Variants in NCAPG2 observed in about 807,000 individuals in gnomAD.
NCAPG2 encodes condensin-2 complex subunit G2.
NCAPG2 carries 53 observed loss-of-function variants against 141.1 expected under a neutral mutation model. The ratio of observed to expected loss-of-function variants is 0.38; its 90% CI spans 0.30 to 0.47. The LOEUF is 0.47. Ranked by LOEUF, NCAPG2 falls within the 20% of genes least tolerant of loss-of-function variation. The pLI is 0.99. For synonymous variants in NCAPG2, 499 were observed against 490.7 expected (o/e 1.02, Z -0.22); for missense variants, 1,087 against 1,389.0 (o/e 0.78, Z 3.46).
intron 8 of NCAPG2, among the ~76,000 whole-genome samples, chr7:158,683,869 G>T (rs1025657676): frequency 4.6e-5 from 7 of 152,228 alleles, no homozygotes; most frequent in Non-Finnish European, 8.8e-5. Flanking sequence ...GCTGAGCAAG[G>T]AAGGTGTGTG....
intron 12 of NCAPG2, 125 bp from the exon 13 acceptor site, chr7:158,671,791 T>C (rs1026462720): frequency 3.7e-6 from 4 of 1,069,554 alleles, no homozygotes; most frequent in African/African-American, 1.6e-5. Context: ...GAAATAAATA[T>C]ACCTATGGAA....
chr7:158,692,545 T>C lies in NCAPG2; in HGVS notation c.382+297A>G, dbSNP rs186012200. 1.6e-3 allele frequency among the ~76,000 whole-genome samples: 249 copies of C among 152,216 alleles called. 1 individual carries two copies. The Middle Eastern group carries it at 0.017, about 10-fold the overall frequency. ...TCACCTGAGGTCAGGAGTTTGAGACTAGCCTGACCAACATGGAGAAACCCT... is the reference window on the plus strand; with the variant it reads ...TCACCTGAGGTCAGGAGTTTGAGACCAGCCTGACCAACATGGAGAAACCCT... On this transcript the variant is annotated intron_variant, in intron 4 of 27. Transcript: ENST00000356309.
At chr7:158,661,924 C>A (rs866314706) in intron 16 of NCAPG2, among the ~76,000 whole-genome samples, 18 of 152,152 alleles carry the variant, frequency 1.2e-4, no homozygotes, top group South Asian at 2.1e-4. Flanking sequence ...GAAATAATGT[C>A]GCTGACCATC....
intron 27 of NCAPG2, chr7:158,641,625 G>A (rs1458470593): frequency 6.2e-6 from 3 of 481,260 alleles, no homozygotes; most frequent in Non-Finnish European, 1.1e-5. Context: ...AACAAAGCAG[G>A]AGTAGTAGTA....
At position 158,645,497 on chromosome 7, in the gene NCAPG2, GAC is replaced by G; in HGVS notation, c.3280+20_3280+21del. 1 of 1,603,792 alleles carries G rather than the reference GAC, an allele frequency of 6.2e-7. No homozygotes were observed. Among genetic ancestry groups the G allele is most frequent in the Middle Eastern group, 1.7e-4 (1 of 6,042 alleles). On this transcript the variant is annotated intron_variant, in intron 26 of 27. Transcript: ENST00000356309. ...GAGGTGCACCAGCCACCTTCCAGAT[GAC>G]AGAGGGGAATGTAACCAACCTGCAT...
intron 27 of NCAPG2, among the ~76,000 whole-genome samples, chr7:158,641,927 C>T (rs1417385316): frequency 6.6e-6 from 1 of 152,214 alleles, no homozygotes; most frequent in African/African-American, 2.4e-5. Flanking sequence ...ACTACTTCCT[C>T]CAGCAACAGT....
intron 7 of NCAPG2, 22 bp from the exon 8 acceptor site, chr7:158,686,263 G>C (rs752409299): frequency 7.5e-7 from 1 of 1,336,318 alleles, no homozygotes; most frequent in African/African-American, 1.5e-5. Flanking sequence ...GATCAAAATA[G>C]TTTTAATGCA....
At chr7:158,639,995 CAAT>C (rs1830523693) in intron 27 of NCAPG2, 1 of 219,058 alleles carries the variant, frequency 4.6e-6, no homozygotes. Flanking sequence ...AATATTCAGA[CAAT>C]AATAACTGAG....
intron 13 of NCAPG2, among the ~76,000 whole-genome samples, chr7:158,666,870 AC>A (rs1166496995): frequency 6.6e-6 from 1 of 152,154 alleles, no homozygotes; most frequent in Non-Finnish European, 1.5e-5. Flanking sequence ...ACCACAGCTG[AC>A]AAAGGAAACA....
At position 158,694,511 on chromosome 7, in the gene NCAPG2, T is replaced by C. The variant is rs188066691; in HGVS notation, c.79-1014A>G. Among the ~76,000 whole-genome samples the C allele has an allele frequency of 1.6e-4, 25 of 152,310 alleles. 1 individual carries two copies. Among genetic ancestry groups the C allele is most frequent in the African/African-American group, 5.3e-4 (22 of 41,570 alleles). ...TACCCACACAGGGACGGACAGACCA[T>C]GCCATGCGCTTCCTGTCTTGACAGC... On this transcript the variant is annotated intron_variant, in intron 2 of 27. Transcript: ENST00000356309.
Position 158,683,497 on chromosome 7 carries a change from T to C in NCAPG2, c.838-111A>G. On this transcript the variant is annotated intron_variant, in intron 8 of 27. Transcript: ENST00000356309. ...GAGTCTGACCTGTCCATCTTATATTTCATGAGAAAAAAACCTGGACCCTTT... is the reference window on the plus strand; with the variant it reads ...GAGTCTGACCTGTCCATCTTATATTCCATGAGAAAAAAACCTGGACCCTTT... 4 of 604,928 alleles carry C rather than the reference T, an allele frequency of 6.6e-6. 1 individual carries two copies. Among genetic ancestry groups the C allele is most frequent in the Middle Eastern group, 2.8e-4 (1 of 3,574 alleles). 37.5% of individuals were successfully genotyped at this position (604,928 alleles called of 1,614,324 possible). A position where few individuals can be genotyped will look rare whatever the true frequency, so the allele number is the denominator to read the frequency against.
At chr7:158,635,933 C>G (rs929831595) in intron 27 of NCAPG2, among the ~76,000 whole-genome samples, 3 of 152,124 alleles carry the variant, frequency 2.0e-5, no homozygotes, top group African/African-American at 7.2e-5. Flanking sequence ...TGTTTATCTT[C>G]CGTTAGATTG....
In NCAPG2 at chr7:158,686,193, C is replaced by A; in HGVS notation, c.816G>T (p.Lys272Asn). The change falls in exon 8 of 28, where the codon AAG (lysine) becomes AAT (asparagine). Residue 272 changes from lysine (K) to asparagine (N), a missense_variant. Lys to Asn is a moderately conservative substitution (Grantham distance 94). Transcript: ENST00000356309. ...IAEIYFRAWK[K>N]ASGKILEAIE... ...ATACCTCCAGTATTTTCCCTGAAGC[C>A]TTTTTCCAAGCTCTGAAATAAATTT... 1 of 1,573,186 alleles carries A rather than the reference C, an allele frequency of 6.4e-7. No individual in the cohort carries two copies. Among genetic ancestry groups the A allele is most frequent in the Non-Finnish European group, 8.6e-7 (1 of 1,159,540 alleles).
intron 13 of NCAPG2, among the ~76,000 whole-genome samples, chr7:158,666,783 T>C (rs1052562717): frequency 5.3e-5 from 8 of 151,710 alleles, no homozygotes; most frequent in African/African-American, 1.9e-4. Flanking sequence ...ATAAATAAAA[T>C]AAAAAGAAGA....
At chr7:158,703,026 A>T (rs1366490452) in intron 1 of NCAPG2, among the ~76,000 whole-genome samples, 2 of 152,196 alleles carry the variant, frequency 1.3e-5, no homozygotes, top group Non-Finnish European at 2.9e-5. Context: ...TTGCCATTGT[A>T]TTACAGTTGC....
At chr7:158,654,276 G>C (rs748555622) in intron 22 of NCAPG2, among the ~76,000 whole-genome samples, 2 of 152,276 alleles carry the variant, frequency 1.3e-5, no homozygotes. Context: ...GAGCAAAAAG[G>C]TGATGGTTTC....
chr7:158,678,112 A>T (rs894511864), intron 11 of NCAPG2, among the ~76,000 whole-genome samples: 135 of 31,306 alleles, frequency 4.3e-3, no homozygotes, highest in African/African-American at 9.8e-3. Flanking sequence ...TTTATTTTAA[A>T]AAAAAAAAAA....
intron 27 of NCAPG2, among the ~76,000 whole-genome samples, chr7:158,634,039 G>A (rs1199544031): frequency 6.6e-6 from 1 of 152,058 alleles, no homozygotes; most frequent in African/African-American, 2.4e-5. Flanking sequence ...ACCATACCTG[G>A]CCTAAAATTA....
Position 158,664,703 on chromosome 7 carries a change from A to G in NCAPG2, c.1527T>C (p.Thr509=). The G allele has an allele frequency of 6.2e-7, 1 of 1,614,194 alleles. No individual in the cohort carries two copies. The highest frequency in any genetic ancestry group is 8.5e-7 in the Non-Finnish European group (1 of 1,180,038). Residue 509 remains threonine (T), a synonymous_variant, in exon 14 of 28, where the codon ACT becomes ACC. Coordinates refer to ENST00000356309, the MANE Select transcript of NCAPG2 (RefSeq NM_017760.7). ...PMEHILVRLE[T]DSRPVSRRLV... ...GGCGCCGAGACACAGGTCGAGAATC[A>G]GTTTCCAGACGAACCAGAATGTGCT...
Sources: gnomAD v4.1 joint callset for allele counts (sites outside exome capture counted in the v4.1 genomes callset) on GRCh38, gnomAD v4.1.1 for gene constraint, MANE v1.5 for transcripts, NCBI Gene and HGNC (gene_info 2026-07-23, HGNC 2026-07-21) for gene names.